CASP9: variants seen among roughly 807,000 people sequenced by gnomAD.
The protein encoded by CASP9 is caspase-9.
CASP9 carries 29 observed loss-of-function variants against 43.5 expected under a neutral mutation model. The ratio of observed to expected loss-of-function variants is 0.67; its 90% CI spans 0.50 to 0.91. The LOEUF (loss-of-function observed/expected upper bound fraction) is 0.91. Among genes scored for constraint, CASP9 ranks in the 40% least tolerant of loss-of-function variants. CASP9 has a pLI of 0.00. For synonymous variants in CASP9, 206 were observed against 211.9 expected (o/e 0.97, Z 0.24); for missense variants, 575 against 537.4 (o/e 1.07, Z -0.69).
At chr1:15,520,905 C>A (rs1195386165) in intron 1 of CASP9, among the ~76,000 whole-genome samples, 2 of 151,988 alleles carry the variant, frequency 1.3e-5, no homozygotes, top group Admixed American at 6.6e-5. Flanking sequence ...AGCCTGTAAT[C>A]CCAGCACTTT....
At position 15,517,718 on chromosome 1, in the gene CASP9, T is replaced by C. The variant is rs1286337856; in HGVS notation, c.418+392A>G. On this transcript the variant is annotated intron_variant, in intron 2 of 8. Coordinates refer to ENST00000333868, the MANE Select transcript of CASP9 (RefSeq NM_001229.5). ...AATACTTTGCAGATGTCTGTTTGTA[T>C]GGGGCAGATACAACTGAGGCCTGTC... 3.9e-5 allele frequency among the ~76,000 whole-genome samples: 6 copies of C among 152,214 alleles called. No homozygotes were observed. In the East Asian group the frequency reaches 7.7e-4, roughly 20 times the overall value.
intron 2 of CASP9, among the ~76,000 whole-genome samples, chr1:15,512,911 A>G (rs1461422939): frequency 2.0e-5 from 3 of 152,182 alleles, no homozygotes; most frequent in East Asian, 3.9e-4. Flanking sequence ...TAATCCCACC[A>G]CTTTGGGAGG....
intron 1 of CASP9, among the ~76,000 whole-genome samples, chr1:15,519,721 G>C (rs550330852): frequency 3.0e-4 from 46 of 152,168 alleles, no homozygotes; most frequent in Non-Finnish European, 5.1e-4. Context: ...AAGGTTGACA[G>C]GCAGGCCAGG....
rs199610531 is a variant in CASP9 at position 15,518,366 on chromosome 1, C to A, written c.162G>T (p.Gln54His). 1.2e-6 allele frequency: 2 copies of A among 1,613,582 alleles called. No individual in the cohort carries two copies. Among genetic ancestry groups the A allele is most frequent in the Non-Finnish European group, 1.7e-6 (2 of 1,179,780 alleles). ...QRAGSGSRRDQARQLIIDLET... is the reference protein window; with the variant it reads ...QRAGSGSRRDHARQLIIDLET... The stretch of plus-strand genomic sequence containing the variant: ...CCAGATCTATGATCAGCTGCCTGGC[C>A]TGATCCCGCCGAGATCCAGAGCCTG... The change falls in exon 2 of 9, where the codon CAG becomes CAT. Residue 54 changes from glutamine to histidine, a missense_variant. By Grantham distance (24) the Gln-to-His change is conservative. Coordinates refer to ENST00000333868, the MANE Select transcript of CASP9 (RefSeq NM_001229.5).
rs1462579728 is a variant in CASP9, at chr1:15,493,963, A to C, written c.1087T>G (p.Tyr363Asp). ...SWRDPKSGSW[Y>D]VETLDDIFEQ... is the part of the protein sequence containing the mutation. ...AAGATGTCGTCCAGGGTCTCAACGTACCAGGAGCCACTCTTGGGGTCCCTC... is the reference window on the plus strand; with the variant it reads ...AAGATGTCGTCCAGGGTCTCAACGTCCCAGGAGCCACTCTTGGGGTCCCTC... Residue 363 changes from tyrosine (Y) to aspartate (D), a missense_variant, in exon 8 of 9, where the codon TAC becomes GAC. By Grantham distance (160) the Tyr-to-Asp change is radical. Transcript: ENST00000333868. The C allele has an allele frequency of 6.2e-7, 1 of 1,602,260 alleles. No individual in the cohort carries two copies. The highest frequency in any genetic ancestry group is 2.2e-5 in the East Asian group (1 of 44,538).
intron 6 of CASP9, among the ~76,000 whole-genome samples, chr1:15,497,309 TAAA>T (rs200717519): frequency 3.9e-5 from 4 of 101,758 alleles, no homozygotes; most frequent in African/African-American, 1.1e-4. Context: ...GGACTCCATC[TAAA>T]AAAAAAAAAA....
chr1:15,521,530 T>G (rs1470825028), intron 1 of CASP9, among the ~76,000 whole-genome samples: 4 of 152,202 alleles, frequency 2.6e-5, no homozygotes, highest in African/African-American at 9.7e-5. Flanking sequence ...TCTTTGATCT[T>G]TCTTATAAGT....
At chr1:15,500,518 T>C (rs4646079) in intron 6 of CASP9, among the ~76,000 whole-genome samples, 136 of 152,316 alleles carry the variant, frequency 8.9e-4, no homozygotes, top group Non-Finnish European at 1.7e-3. Context: ...TTCTCCCAGC[T>C]GATATGAGGG....
intron 2 of CASP9, among the ~76,000 whole-genome samples, chr1:15,514,505 A>C (rs1709879898): frequency 6.6e-6 from 1 of 152,192 alleles, no homozygotes; most frequent in South Asian, 2.1e-4. Context: ...AAAATGGGAC[A>C]GTCGCTCTAT....
At chr1:15,518,595 T>C (rs544500364) in intron 1 of CASP9, among the ~76,000 whole-genome samples, 200 bp from the exon 2 acceptor site, 6 of 152,348 alleles carry the variant, frequency 3.9e-5, no homozygotes, top group African/African-American at 9.6e-5. Context: ...CCCAGCACTA[T>C]GCTAAGTGCT....
chr1:15,506,607 C>T (rs1247282092), intron 4 of CASP9, among the ~76,000 whole-genome samples: 1 of 152,150 alleles, frequency 6.6e-6, no homozygotes, highest in Non-Finnish European at 1.5e-5. Context: ...TACGCTTGGG[C>T]ACTGTTCATC....
At chr1:15,493,437 A>G (rs1178623555) in intron 8 of CASP9, 2 of 1,247,650 alleles carry the variant, frequency 1.6e-6, no homozygotes, top group Admixed American at 7.6e-5. Context: ...TGGGCCTATC[A>G]GGCCACCCTT....
intron 5 of CASP9, among the ~76,000 whole-genome samples, chr1:15,504,963 CAT>C (rs977145588): frequency 3.3e-5 from 5 of 152,218 alleles, no homozygotes; most frequent in Non-Finnish European, 7.3e-5. Flanking sequence ...ATGTCAAACT[CAT>C]GTGCCTCTAG....
upstream of CASP9, chr1:15,524,517 C>A: frequency 1.9e-6 from 1 of 537,266 alleles, no homozygotes. Flanking sequence ...CCCCACGTCA[C>A]CGCCCCGCTC....
intron 7 of CASP9, among the ~76,000 whole-genome samples, chr1:15,494,820 G>A (rs1200730502): frequency 3.1e-5 from 4 of 128,426 alleles, no homozygotes; most frequent in Admixed American, 1.9e-4. Flanking sequence ...CCAAGATCGC[G>A]CCACTGCACT....
chr1:15,504,786 A>AAC, intron 5 of CASP9, 28 bp from the exon 6 acceptor site: 2 of 1,596,834 alleles, frequency 1.3e-6, no homozygotes, highest in Non-Finnish European at 1.7e-6. Context: ...CTGGTTACAA[A>AAC]ACCAAGAAGT....
Position 15,519,520 on chromosome 1 carries a change from T to C in CASP9, c.133-1125A>G, listed in dbSNP as rs573975363. Among the ~76,000 whole-genome samples, 5 of 152,078 alleles carry C rather than the reference T, an allele frequency of 3.3e-5. No homozygotes were observed. In the South Asian group the frequency reaches 8.3e-4, roughly 25 times the overall value. ...AAGAATGGAGTGACAGAGACAGATA[T>C]GGCCTTTCAAAAAGTCATCCAGGGG... On this transcript the variant is annotated intron_variant, in intron 1 of 8. Coordinates refer to ENST00000333868, the MANE Select transcript of CASP9 (RefSeq NM_001229.5).
At chr1:15,517,870 A>AT (rs984075640) in intron 2 of CASP9, among the ~76,000 whole-genome samples, 41 of 152,280 alleles carry the variant, frequency 2.7e-4, no homozygotes, top group Admixed American at 1.4e-3. Context: ...AGGAAAAAAA[A>AT]CAAAAACAAA....
rs150083830 is a variant in CASP9, at chr1:15,495,139, T to A, written c.1048+134A>T. The A allele has an allele frequency of 1.1e-4, 91 of 811,552 alleles. No individual in the cohort carries two copies. The African/African-American group carries it at 1.4e-3, about 13-fold the overall frequency. The allele number at this position is 811,552 out of a possible 1,614,324, so 50.3% of individuals were successfully genotyped here. ...GAGCCGAGGCTCAGAGAGAAGTAAC[T>A]TGCTCAGGGTCACAGAGGGGCAAAA... is the stretch of plus-strand genomic sequence containing the variant. On this transcript the variant is annotated intron_variant, in intron 7 of 8. Transcript: ENST00000333868.
Sources: allele counts gnomAD v4.1 joint callset (sites outside exome capture counted in the v4.1 genomes callset), GRCh38; gene constraint gnomAD v4.1.1; transcripts MANE v1.5; gene names NCBI Gene and HGNC (gene_info 2026-07-23, HGNC 2026-07-21).